USH2A: variants seen among roughly 807,000 people sequenced by gnomAD.
The protein encoded by USH2A is Usher syndrome 2A (autosomal recessive, mild).
A neutral mutation model predicts 538.9 loss-of-function variants in USH2A; 443 were observed. The observed-to-expected ratio is 0.82, with a 90% CI of 0.76 to 0.89. USH2A has a LOEUF of 0.89. USH2A is among the 40% of genes least tolerant of loss of function. The pLI is 0.00. For missense variants in USH2A, 6,633 were observed against 6,324.8 expected (o/e 1.05, Z -1.65); for synonymous variants, 2,413 against 2,273.5 (o/e 1.06, Z -1.75).
intron 61 of USH2A, among the ~76,000 whole-genome samples, chr1:215,694,550 G>T (rs545255426): frequency 3.9e-4 from 60 of 152,272 alleles, no homozygotes; most frequent in African/African-American, 1.3e-3. Context: ...TCCAGCCTGG[G>T]TGACAGAGAG....
At chr1:216,233,013 T>C (rs545707698) in intron 13 of USH2A, among the ~76,000 whole-genome samples, 1 of 152,202 alleles carries the variant, frequency 6.6e-6, no homozygotes, top group Non-Finnish European at 1.5e-5. Context: ...TCTCTTCTAA[T>C]TGCATCCCTC....
intron 65 of USH2A, among the ~76,000 whole-genome samples, chr1:215,648,988 C>T (rs903395923): frequency 2.0e-5 from 3 of 152,058 alleles, no homozygotes; most frequent in Non-Finnish European, 2.9e-5. Flanking sequence ...GTTAAATAGA[C>T]GTTTGAGGTA....
intron 11 of USH2A, among the ~76,000 whole-genome samples, chr1:216,258,514 T>C (rs2036301406): frequency 6.6e-6 from 1 of 152,036 alleles, no homozygotes; most frequent in Non-Finnish European, 1.5e-5. Context: ...TGTGTTCCTC[T>C]ATCTGCTCTC....
intron 44 of USH2A, among the ~76,000 whole-genome samples, chr1:215,864,431 G>A (rs1023416074): frequency 2.6e-5 from 4 of 152,044 alleles, no homozygotes; most frequent in Admixed American, 6.6e-5. Context: ...AAAATATTTT[G>A]TATTATCATA....
chr1:215,759,362 G>A (rs1170938483), intron 57 of USH2A, among the ~76,000 whole-genome samples: 1 of 152,032 alleles, frequency 6.6e-6, no homozygotes, highest in Non-Finnish European at 1.5e-5. Flanking sequence ...CTAGTTCAAG[G>A]ATGCGTGTTT....
chr1:216,196,731 G>T lies in USH2A; in HGVS notation c.4082-9C>A, dbSNP rs771412392. 1.2e-6 allele frequency: 2 copies of T among 1,611,824 alleles called. No homozygotes were observed. The highest frequency in any genetic ancestry group is 3.3e-5 in the Admixed American group (2 of 59,832). ...GATCATGAATACAGGTGCTATCAATGAGAACAATAACAATAACATCAAAAC... is the reference window on the plus strand; with the variant it reads ...GATCATGAATACAGGTGCTATCAATTAGAACAATAACAATAACATCAAAAC... On this transcript the variant is annotated splice_polypyrimidine_tract_variant and intron_variant, in intron 18 of 71. Coordinates refer to ENST00000307340, the MANE Select transcript of USH2A (RefSeq NM_206933.4).
At chr1:215,754,956 C>T (rs569710964) in intron 58 of USH2A, among the ~76,000 whole-genome samples, 5 of 152,126 alleles carry the variant, frequency 3.3e-5, no homozygotes, top group East Asian at 1.9e-4. Context: ...ATTGCTGTCA[C>T]GTGGCTGTTT....
chr1:215,650,894 A>G (rs1344476550), intron 64 of USH2A, 93 bp from the exon 65 acceptor site: 2 of 1,347,808 alleles, frequency 1.5e-6, no homozygotes, highest in African/African-American at 2.9e-5. Flanking sequence ...CGAAATTGGC[A>G]ACCAAAAGCA....
Position 216,154,424 on chromosome 1 carries a change from G to A in USH2A, c.4627+20828C>T, listed in dbSNP as rs568392096. Reference sequence around the variant, plus strand: ...TGGTAAAATAATATTAAAATTGTTTGGTTTCCAAACAAAGTTAAAGCAACT... The same window carrying A: ...TGGTAAAATAATATTAAAATTGTTTAGTTTCCAAACAAAGTTAAAGCAACT... On this transcript the variant is annotated intron_variant, in intron 21 of 71. Transcript: ENST00000307340. Among the ~76,000 whole-genome samples the A allele has an allele frequency of 5.4e-3, 779 of 144,546 alleles. 18 individuals are homozygous for A. Among genetic ancestry groups the A allele is most frequent in the Admixed American group, 0.046 (663 of 14,428 alleles). 94.8% of individuals were successfully genotyped at this position (144,546 alleles called of 152,430 possible).
chr1:215,663,955 G>GCCAA (rs1385384760), intron 64 of USH2A, among the ~76,000 whole-genome samples: 1 of 152,104 alleles, frequency 6.6e-6, no homozygotes, highest in Non-Finnish European at 1.5e-5. Context: ...GCAGAATGAA[G>GCCAA]CCAAACAGAG....
Position 215,674,159 on chromosome 1 carries a change from T to C in USH2A, c.13752A>G (p.Thr4584=). 1 of 1,614,100 alleles carries C rather than the reference T, an allele frequency of 6.2e-7. No individual in the cohort carries two copies. The part of the protein sequence containing the change: ...ERETKIIHIN[T]THNSFGMQSY... ...ACTGCATACCAAAAGAATTATGAGT[T>C]GTGTTTATGTGTATGATTTTAGTTT... Residue 4584 remains threonine (T), a synonymous_variant, in exon 63 of 72, where the codon ACA becomes ACG. Coordinates refer to ENST00000307340, the MANE Select transcript of USH2A (RefSeq NM_206933.4).
intron 3 of USH2A, among the ~76,000 whole-genome samples, chr1:216,394,789 G>A (rs891897471): frequency 7.0e-6 from 1 of 142,434 alleles, no homozygotes. Flanking sequence ...CGCGATCTCC[G>A]CTCACTGCAA....
At chr1:215,790,345 T>C (rs1661947909) in intron 50 of USH2A, 63 bp from the exon 51 acceptor site, 8 of 1,577,960 alleles carry the variant, frequency 5.1e-6, no homozygotes, top group East Asian at 2.3e-5. Context: ...CTGAGGCTGC[T>C]ATAAAGTTTG....
chr1:215,850,672 A>T (rs1663994447), intron 44 of USH2A, among the ~76,000 whole-genome samples: 1 of 152,212 alleles, frequency 6.6e-6, no homozygotes, highest in Non-Finnish European at 1.5e-5. Flanking sequence ...ATGGACTTAG[A>T]GTATACCCTA....
intron 37 of USH2A, among the ~76,000 whole-genome samples, chr1:215,937,657 T>A (rs1442347587): frequency 6.6e-6 from 1 of 152,120 alleles, no homozygotes; most frequent in Admixed American, 6.6e-5. Flanking sequence ...AATTGTAAAC[T>A]TTCAAAAAGG....
At position 216,064,125 on chromosome 1, in the gene USH2A, A is replaced by C. The variant is rs1007251490; in HGVS notation, c.6049+5976T>G. Among the ~76,000 whole-genome samples the C allele has an allele frequency of 2.0e-5, 3 of 152,236 alleles. No homozygotes were observed. The East Asian group carries it at 5.8e-4, about 29-fold the overall frequency. ...ACTGGGCAGCTTGCTGAGCCCTGTC[A>C]TACTGAATTGTTTATTGCTGTGCAT... On this transcript the variant is annotated intron_variant, in intron 30 of 71. Coordinates refer to ENST00000307340, the MANE Select transcript of USH2A (RefSeq NM_206933.4).
chr1:215,715,333 G>C (rs1659452660), intron 61 of USH2A, among the ~76,000 whole-genome samples: 1 of 152,164 alleles, frequency 6.6e-6, no homozygotes. Context: ...AGTCTTAACT[G>C]TTTTCCCCAA....
intron 38 of USH2A, among the ~76,000 whole-genome samples, chr1:215,909,262 G>C (rs1665714786): frequency 6.6e-6 from 1 of 151,888 alleles, no homozygotes; most frequent in Non-Finnish European, 1.5e-5. Flanking sequence ...ACGATAAAAA[G>C]TGATCAGAGT....
intron 22 of USH2A, among the ~76,000 whole-genome samples, chr1:216,091,858 G>T (rs982497944): frequency 1.3e-5 from 2 of 151,978 alleles, no homozygotes; most frequent in African/African-American, 4.8e-5. Context: ...TAAGCATCTC[G>T]TTTTTTCCTG....
Sources: gnomAD v4.1 joint callset for allele counts (sites outside exome capture counted in the v4.1 genomes callset) on GRCh38, gnomAD v4.1.1 for gene constraint, MANE v1.5 for transcripts, NCBI Gene and HGNC (gene_info 2026-07-23, HGNC 2026-07-21) for gene names.